FBXO42: variants seen among roughly 807,000 people sequenced by gnomAD.
The protein encoded by FBXO42 is F-box only protein 42.
Under a neutral mutation model 71.7 loss-of-function variants are expected in FBXO42, and 12 were observed. The observed-to-expected ratio is 0.17, with a 90% CI of 0.11 to 0.27. The LOEUF is 0.27. Among genes scored for constraint, FBXO42 ranks in the 10% least tolerant of loss-of-function variants. The probability of loss-of-function intolerance (pLI) is 1.00; values close to 1 mark genes in which losing one functional copy is unlikely to be tolerated. For missense variants in FBXO42, 707 were observed against 911.9 expected, an observed-to-expected ratio of 0.78 and a Z score of 2.89; for synonymous variants, 325 against 327.5, an observed-to-expected ratio of 0.99 and a Z score of 0.08.
intron 4 of FBXO42, among the ~76,000 whole-genome samples, chr1:16,281,752 G>A (rs1179935187): frequency 2.0e-5 from 3 of 151,420 alleles, no homozygotes. Flanking sequence ...CACCTCCCGG[G>A]TTCAAGCGAT....
At chr1:16,266,188 T>TA (rs1032462291) in intron 4 of FBXO42, among the ~76,000 whole-genome samples, 22 of 151,678 alleles carry the variant, frequency 1.5e-4, no homozygotes, top group South Asian at 1.2e-3. Flanking sequence ...TAGTTTTTTT[T>TA]AAAAAAAATA....
At position 16,249,652 on chromosome 1, in the gene FBXO42, C is replaced by G. The variant is rs184173620; in HGVS notation, c.*1018G>C. ...CACAATATTGGCATCTTAGAATTCC[C>G]TACTGGCCCCCTAGTGACACCAGGG... On this transcript the variant is annotated 3_prime_UTR_variant, in exon 10 of 10. Transcript: ENST00000375592. 10 of 152,170 alleles carry G rather than the reference C, an allele frequency of 6.6e-5. No individual in the cohort carries two copies. Among genetic ancestry groups the G allele is most frequent in the Non-Finnish European group, 1.5e-4 (10 of 68,006 alleles). 9.4% of individuals were successfully genotyped at this position (152,170 alleles called of 1,614,324 possible).
chr1:16,271,836 G>A (rs1056876260), intron 4 of FBXO42, among the ~76,000 whole-genome samples: 18 of 151,792 alleles, frequency 1.2e-4, no homozygotes, highest in African/African-American at 4.4e-4. Context: ...ATAGTCATTG[G>A]ATGCTCAATA....
intron 2 of FBXO42, among the ~76,000 whole-genome samples, chr1:16,308,159 T>A (rs1022813946): frequency 6.6e-6 from 1 of 152,152 alleles, no homozygotes; most frequent in African/African-American, 2.4e-5. Flanking sequence ...TCATTTTTTT[T>A]TAATAGAGGT....
In FBXO42 at chr1:16,256,725, C is replaced by T. The variant is rs202166367; in HGVS notation, c.537G>A (p.Leu179=). The stretch of plus-strand genomic sequence containing the variant: ...GCACTAGCAAGTCCTTGTACACGAC[C>T]AGAGTTGCTCCAGCTTTGGGGGAAG... The part of the protein sequence containing the change: ...SYPSPKAGAT[L]VVYKDLLVLF... Residue 179 remains leucine (L), a synonymous_variant, in exon 5 of 10, where the codon CTG becomes CTA. Coordinates refer to ENST00000375592, the MANE Select transcript of FBXO42 (RefSeq NM_018994.3). 102 of 1,614,044 alleles carry T rather than the reference C, an allele frequency of 6.3e-5. No individual in the cohort carries two copies. The highest frequency in any genetic ancestry group is 8.3e-5 in the Non-Finnish European group (98 of 1,180,036).
intron 4 of FBXO42, among the ~76,000 whole-genome samples, chr1:16,271,127 T>C (rs1265389477): frequency 6.6e-6 from 1 of 151,768 alleles, no homozygotes; most frequent in Non-Finnish European, 1.5e-5. Flanking sequence ...GGCCCAGGTG[T>C]GAGGCTAAAA....
At position 16,252,530 on chromosome 1, in the gene FBXO42, A is replaced by G. The variant is rs2081604136; in HGVS notation, c.922-126T>C. On this transcript the variant is annotated intron_variant, in intron 8 of 9. Coordinates refer to ENST00000375592, the MANE Select transcript of FBXO42 (RefSeq NM_018994.3). The surrounding 1 kb of genome is among the most constrained non-coding windows in gnomAD (Gnocchi z 4.4). ...AAGGATGTGGACTCTTCAGAAGGATAGCAAAATCCTCAGTTAATTATTCAG... is the reference window on the plus strand; with the variant it reads ...AAGGATGTGGACTCTTCAGAAGGATGGCAAAATCCTCAGTTAATTATTCAG... 1 of 681,768 alleles carries G rather than the reference A, an allele frequency of 1.5e-6. No individual in the cohort carries two copies. The highest frequency in any genetic ancestry group is 2.5e-5 in the Admixed American group (1 of 40,556). The allele number at this position is 681,768 out of a possible 1,614,324, so 42.2% of individuals were successfully genotyped here.
intron 1 of FBXO42, among the ~76,000 whole-genome samples, chr1:16,331,833 C>T (rs2082503938): frequency 6.6e-6 from 1 of 151,828 alleles, no homozygotes; most frequent in Non-Finnish European, 1.5e-5. Context: ...CGCAGATCAC[C>T]TGAGGTCAGG....
intron 4 of FBXO42, among the ~76,000 whole-genome samples, chr1:16,270,425 C>T (rs760766107): frequency 4.6e-5 from 7 of 152,098 alleles, no homozygotes; most frequent in Non-Finnish European, 5.9e-5. Flanking sequence ...AACAACTGGA[C>T]GCTGAAGTAC....
intron 4 of FBXO42, among the ~76,000 whole-genome samples, chr1:16,264,119 T>G (rs2081747099): frequency 6.6e-6 from 1 of 152,156 alleles, no homozygotes; most frequent in South Asian, 2.1e-4. Context: ...CCAACAATAA[T>G]TTTTATATGG....
intron 2 of FBXO42, among the ~76,000 whole-genome samples, chr1:16,310,755 G>A (rs930779459): frequency 1.3e-5 from 2 of 152,060 alleles, no homozygotes; most frequent in South Asian, 2.1e-4. Context: ...AGCACTTTGG[G>A]CAGGTGCTCA....
rs2081607372 is a variant in FBXO42, at chr1:16,252,987, T to G, written c.921+109A>C. 1.1e-6 allele frequency: 1 copy of G among 937,400 alleles called. No homozygotes were observed. The highest frequency in any genetic ancestry group is 1.7e-5 in the African/African-American group (1 of 58,534). 58.1% of individuals were successfully genotyped at this position (937,400 alleles called of 1,614,324 possible). ...TATACCCAAAAAGCATTCCTTAAAT[T>G]AAAATGCCATGGAAATAGTCTTGTA... On this transcript the variant is annotated intron_variant, in intron 8 of 9. Coordinates refer to ENST00000375592, the MANE Select transcript of FBXO42 (RefSeq NM_018994.3). The surrounding 1 kb of genome is among the most constrained non-coding windows in gnomAD (Gnocchi z 4.4).
chr1:16,341,745 C>A (rs149876490), intron 1 of FBXO42, among the ~76,000 whole-genome samples: 1 of 146,138 alleles, frequency 6.8e-6, no homozygotes, highest in Non-Finnish European at 1.5e-5. Context: ...CCAAGGCGGG[C>A]GGATCACCTG....
intron 1 of FBXO42, among the ~76,000 whole-genome samples, chr1:16,350,573 C>CAAAAAA: frequency 3.0e-5 from 2 of 66,790 alleles, no homozygotes; most frequent in Non-Finnish European, 2.8e-5. Context: ...ACTAAAATTA[C>CAAAAAA]AAAAAAAAAA....
At chr1:16,291,073 C>T (rs1416383527) in intron 4 of FBXO42, among the ~76,000 whole-genome samples, 1 of 152,232 alleles carries the variant, frequency 6.6e-6, no homozygotes, top group African/African-American at 2.4e-5. Flanking sequence ...AACAGCTACA[C>T]TTTTGAAGTC....
rs1422292590 is a variant in FBXO42, at chr1:16,305,817, T to C, written c.353A>G (p.Gln118Arg). Residue 118 changes from glutamine to arginine, a missense_variant, in exon 3 of 10, where the codon CAG (glutamine) becomes CGG (arginine). Coordinates refer to ENST00000375592, the MANE Select transcript of FBXO42 (RefSeq NM_018994.3). The part of the protein sequence containing the change: ...TYPYPGTPIT[Q>R]RFSHSACYYD... ...TAAATACTTACTGTGCGAGAAGCGC[T>C]GAGTGATTGGGGTTCCAGGATAAGG... is the stretch of plus-strand genomic sequence containing the variant. 6.2e-7 allele frequency: 1 copy of C among 1,613,862 alleles called. No individual in the cohort carries two copies. The highest frequency in any genetic ancestry group is 1.3e-5 in the African/African-American group (1 of 75,052).
chr1:16,309,868 AC>A (rs2082293695), intron 2 of FBXO42, among the ~76,000 whole-genome samples: 1 of 151,704 alleles, frequency 6.6e-6, no homozygotes, highest in Non-Finnish European at 1.5e-5. Flanking sequence ...ACATGGTAAA[AC>A]CTACTCTACT....
intron 3 of FBXO42, among the ~76,000 whole-genome samples, chr1:16,296,063 T>C (rs2082125800): frequency 6.6e-6 from 1 of 152,158 alleles, no homozygotes; most frequent in Non-Finnish European, 1.5e-5. Context: ...GAAGGGCTGT[T>C]ACCCAAAAAC....
At chr1:16,292,285 C>G (rs1285242781) in intron 4 of FBXO42, 2 of 152,160 alleles carry the variant, frequency 1.3e-5, no homozygotes, top group African/African-American at 4.8e-5. Flanking sequence ...CCCTCCCTTC[C>G]TGCCTTCCTC....
Sources: allele counts gnomAD v4.1 joint callset (sites outside exome capture counted in the v4.1 genomes callset), GRCh38; gene constraint gnomAD v4.1.1; non-coding constraint Gnocchi (gnomAD v3.1); transcripts MANE v1.5; gene names NCBI Gene and HGNC (gene_info 2026-07-23, HGNC 2026-07-21).